Variants in RPS6KC1 observed in about 807,000 individuals in gnomAD.
RPS6KC1 encodes ribosomal protein S6 kinase C1, also known as inactive ribosomal protein S6 kinase delta-1.
RPS6KC1 carries 54 observed loss-of-function variants against 103.8 expected under a neutral mutation model. The ratio of observed to expected loss-of-function variants is 0.52; its 90% confidence interval spans 0.42 to 0.65. The LOEUF (loss-of-function observed/expected upper bound fraction) is 0.65, where lower values mean the gene tolerates loss of function less well. Among genes scored for constraint, RPS6KC1 ranks in the 30% least tolerant of loss-of-function variants. The pLI is 0.00. For synonymous variants in RPS6KC1, 439 were observed against 438.7 expected (o/e 1.00, Z -0.01); for missense variants, 1,151 against 1,253.8 (o/e 0.92, Z 1.24).
At chr1:213,389,857 T>C in the RPS6KC1 span, among the ~76,000 whole-genome samples, 2 of 152,166 alleles carry the variant, frequency 1.3e-5, no homozygotes, top group African/African-American at 4.8e-5. Context: ...TCTTTAGGGT[T>C]TTTTTTCATC....
chr1:213,383,393 G>A, the RPS6KC1 span, among the ~76,000 whole-genome samples: 820 of 152,290 alleles, frequency 5.4e-3, 8 homozygotes, highest in Middle Eastern at 0.014. Context: ...CTCTTTGGGA[G>A]TTCTGTGCCC....
chr1:213,381,447 G>A, the RPS6KC1 span, among the ~76,000 whole-genome samples: 1 of 151,990 alleles, frequency 6.6e-6, no homozygotes, highest in East Asian at 1.9e-4. Flanking sequence ...TGATTTAGGG[G>A]TGTTGCGTGC....
At chr1:213,834,691 A>AAC in the RPS6KC1 span, among the ~76,000 whole-genome samples, 20 of 148,614 alleles carry the variant, frequency 1.3e-4, no homozygotes, top group South Asian at 4.4e-4. Context: ...GCCCTTCTCA[A>AAC]ACACACACAC....
intron 6 of RPS6KC1, among the ~76,000 whole-genome samples, chr1:213,135,848 C>A (rs2086209450): frequency 2.0e-5 from 3 of 152,196 alleles, no homozygotes; most frequent in Admixed American, 2.0e-4. Context: ...AGAAGACTTA[C>A]AGATTCTCTG....
chr1:213,309,929 C>T, the RPS6KC1 span, among the ~76,000 whole-genome samples: 2 of 152,176 alleles, frequency 1.3e-5, no homozygotes, highest in Admixed American at 1.3e-4. Flanking sequence ...AGGTGATCCA[C>T]CTGCCTTAAC....
chr1:213,113,264 G>A (rs1365802428), intron 4 of RPS6KC1, among the ~76,000 whole-genome samples: 2 of 151,884 alleles, frequency 1.3e-5, no homozygotes, highest in Non-Finnish European at 2.9e-5. Flanking sequence ...TCTAACTGGT[G>A]TGAGATGATA....
chr1:213,209,844 G>T (rs2093457003), intron 8 of RPS6KC1, among the ~76,000 whole-genome samples: 2 of 152,028 alleles, frequency 1.3e-5, no homozygotes, highest in African/African-American at 4.8e-5. Flanking sequence ...GAGTTTTTTG[G>T]GAAAGGGGTG....
At chr1:213,140,571 C>T (rs987016839) in intron 6 of RPS6KC1, among the ~76,000 whole-genome samples, 1 of 151,974 alleles carries the variant, frequency 6.6e-6, no homozygotes, top group African/African-American at 2.4e-5. Context: ...TATCGACAGC[C>T]TTTTCTGTGT....
the RPS6KC1 span, among the ~76,000 whole-genome samples, chr1:213,619,319 A>C: frequency 5.3e-5 from 8 of 152,182 alleles, no homozygotes; most frequent in Non-Finnish European, 7.4e-5. Flanking sequence ...AGAGTGAAGA[A>C]AACTTTCCTA....
chr1:213,152,580 G>A (rs1199574290), intron 6 of RPS6KC1, among the ~76,000 whole-genome samples: 2 of 150,314 alleles, frequency 1.3e-5, no homozygotes, highest in African/African-American at 2.4e-5. Flanking sequence ...GCCGGGCAGA[G>A]GTGCTCCTCA....
chr1:213,122,701 T>C (rs1028941622), intron 5 of RPS6KC1, among the ~76,000 whole-genome samples: 1 of 152,210 alleles, frequency 6.6e-6, no homozygotes, highest in Non-Finnish European at 1.5e-5. Context: ...GGTATTTTTC[T>C]AGGCCCTTTG....
In RPS6KC1 at chr1:213,232,871, G is replaced by A. The variant is rs145123118; in HGVS notation, c.1225+616G>A. 3.3e-5 allele frequency among the ~76,000 whole-genome samples: 5 copies of A among 152,098 alleles called. No homozygotes were observed. In the East Asian group the frequency reaches 9.7e-4, roughly 29 times the overall value. ...GATTTTTTTTTGCCCTTTAATACCT[G>A]AATTTAAATAAGTAGTCTTTTATTT... On this transcript the variant is annotated intron_variant, in intron 10 of 14. Transcript: ENST00000366960.
chr1:213,848,722 A>G, the RPS6KC1 span, among the ~76,000 whole-genome samples: 3 of 152,196 alleles, frequency 2.0e-5, no homozygotes, highest in African/African-American at 2.4e-5. Context: ...CCACACTTCA[A>G]TAACATAGAT....
intron 8 of RPS6KC1, among the ~76,000 whole-genome samples, chr1:213,227,125 G>T (rs1431334670): frequency 6.6e-6 from 1 of 152,190 alleles, no homozygotes; most frequent in Non-Finnish European, 1.5e-5. Flanking sequence ...ATTGTTGAGA[G>T]AATTACATGA....
chr1:213,333,377 T>G, the RPS6KC1 span, among the ~76,000 whole-genome samples: 1 of 152,218 alleles, frequency 6.6e-6, no homozygotes, highest in Non-Finnish European at 1.5e-5. Context: ...TATATCACTG[T>G]GTTAAGCAAA....
chr1:213,726,592 TA>T, the RPS6KC1 span, among the ~76,000 whole-genome samples: 3 of 152,144 alleles, frequency 2.0e-5, no homozygotes, highest in Non-Finnish European at 2.9e-5. Context: ...AACTAAGTAA[TA>T]AAAAAATTTC....
chr1:213,567,347 A>C, the RPS6KC1 span, among the ~76,000 whole-genome samples: 2 of 152,052 alleles, frequency 1.3e-5, no homozygotes, highest in Non-Finnish European at 2.9e-5. Context: ...TGGGATGTGC[A>C]TTTCACTTCT....
chr1:213,795,595 A>C, the RPS6KC1 span, among the ~76,000 whole-genome samples: 5 of 152,146 alleles, frequency 3.3e-5, no homozygotes, highest in Non-Finnish European at 5.9e-5. Flanking sequence ...TCTGGCTCCA[A>C]CAAAATCACT....
the RPS6KC1 span, among the ~76,000 whole-genome samples, chr1:213,585,838 GCAAA>G: frequency 6.6e-6 from 1 of 152,122 alleles, no homozygotes; most frequent in Non-Finnish European, 1.5e-5. Context: ...AGGGTCCCAT[GCAAA>G]CAAAGACTGG....
Sources: allele counts gnomAD v4.1 joint callset (sites outside exome capture counted in the v4.1 genomes callset), GRCh38; gene constraint gnomAD v4.1.1; transcripts MANE v1.5; gene names NCBI Gene and HGNC (gene_info 2026-07-23, HGNC 2026-07-21).